SRGAP2B: variants seen among roughly 807,000 people sequenced by gnomAD.
The protein encoded by SRGAP2B is SLIT-ROBO Rho GTPase activating protein 2B, also known as SLIT-ROBO Rho GTPase-activating protein 2B.
Under a neutral mutation model 22.2 loss-of-function variants are expected in SRGAP2B, and 9 were observed. The ratio of observed to expected loss-of-function variants is 0.41; its 90% confidence interval spans 0.24 to 0.71. The LOEUF (loss-of-function observed/expected upper bound fraction) is 0.71, where lower values mean the gene tolerates loss of function less well. Among genes scored for constraint, SRGAP2B ranks in the 30% least tolerant of loss-of-function variants. The pLI, the probability that SRGAP2B is intolerant of heterozygous loss-of-function variation, is 0.35. For synonymous variants in SRGAP2B, 36 were observed against 87.4 expected, an observed-to-expected ratio of 0.41 and a Z score of 3.28; for missense variants, 114 against 235.8, an observed-to-expected ratio of 0.48 and a Z score of 3.38.
chr1:144,917,969 C>T (rs1166589157), intron 4 of SRGAP2B: 1 of 61,918 alleles, frequency 1.6e-5, no homozygotes, highest in East Asian at 3.8e-4. Flanking sequence ...AAGGGGGCCC[C>T]ACCCAAAGAC....
intron 2 of SRGAP2B, among the ~76,000 whole-genome samples, chr1:145,044,922 T>C (rs1297955917): frequency 1.3e-5 from 2 of 150,286 alleles, no homozygotes; most frequent in African/African-American, 2.5e-5. Context: ...ATTTACTAGG[T>C]GGTAGATCTG....
intron 4 of SRGAP2B, among the ~76,000 whole-genome samples, chr1:144,944,322 A>G (rs1300082449): frequency 6.6e-6 from 1 of 150,718 alleles, no homozygotes; most frequent in Non-Finnish European, 1.5e-5. Context: ...AGTAATTGCC[A>G]ACTATGTTTT....
At chr1:145,031,815 C>A (rs1648370591) in intron 2 of SRGAP2B, among the ~76,000 whole-genome samples, 1 of 140,310 alleles carries the variant, frequency 7.1e-6, no homozygotes, top group African/African-American at 2.9e-5. Context: ...CCACTGCACT[C>A]CAGCCTGGGC....
intron 5 of SRGAP2B, among the ~76,000 whole-genome samples, chr1:144,909,543 C>A (rs1394124535): frequency 6.9e-6 from 1 of 145,082 alleles, no homozygotes; most frequent in African/African-American, 2.7e-5. Context: ...GCCGAGATCA[C>A]GCCACTGCAC....
At chr1:144,940,366 C>G (rs1404099200) in intron 4 of SRGAP2B, among the ~76,000 whole-genome samples, 2 of 139,906 alleles carry the variant, frequency 1.4e-5, no homozygotes, top group Admixed American at 1.4e-4. Context: ...TCTCTCCTTA[C>G]CTTATATTAA....
intron 3 of SRGAP2B, among the ~76,000 whole-genome samples, chr1:144,990,673 G>T (rs1670112310): frequency 1.3e-5 from 2 of 149,738 alleles, no homozygotes. Context: ...GGGAACCGGG[G>T]CTGCGTGCGG....
chr1:144,944,173 A>G (rs1381002293), intron 4 of SRGAP2B, among the ~76,000 whole-genome samples: 1 of 150,618 alleles, frequency 6.6e-6, no homozygotes, highest in Non-Finnish European at 1.5e-5. Flanking sequence ...AAGTACATCT[A>G]GAGTTTCTAT....
At chr1:144,907,233 T>A (rs1359541647) in intron 5 of SRGAP2B, among the ~76,000 whole-genome samples, 3 of 150,482 alleles carry the variant, frequency 2.0e-5, no homozygotes, top group Non-Finnish European at 3.0e-5. Flanking sequence ...TAATAAACAT[T>A]GTGTACCATG....
At chr1:144,948,904 G>A (rs1407436758) in intron 4 of SRGAP2B, among the ~76,000 whole-genome samples, 5 of 118,896 alleles carry the variant, frequency 4.2e-5, no homozygotes, top group Non-Finnish European at 8.5e-5. Context: ...TTAGAATATG[G>A]ACCTCTTTTT....
intron 4 of SRGAP2B, among the ~76,000 whole-genome samples, chr1:144,944,236 A>G (rs1553607986): frequency 6.6e-6 from 1 of 150,620 alleles, no homozygotes; most frequent in Admixed American, 6.6e-5. Context: ...AGGCATGTAA[A>G]AAAAAGTCAA....
chr1:145,039,467 C>T (rs1249302227), intron 2 of SRGAP2B, among the ~76,000 whole-genome samples: 4 of 146,106 alleles, frequency 2.7e-5, no homozygotes, highest in Non-Finnish European at 6.0e-5. Flanking sequence ...AGGATGAGAC[C>T]CTGTCTCTTT....
chr1:145,068,769 A>G (rs2102434936), intron 2 of SRGAP2B, among the ~76,000 whole-genome samples: 1 of 143,090 alleles, frequency 7.0e-6, no homozygotes, highest in East Asian at 2.0e-4. Flanking sequence ...AAATAGTTCA[A>G]CAATTCAAGT....
intron 4 of SRGAP2B, 22 bp downstream of exon 4, chr1:144,955,417 C>T: frequency 1.2e-6 from 2 of 1,601,084 alleles, no homozygotes; most frequent in Non-Finnish European, 1.7e-6. Context: ...CCAAGAACCT[C>T]TGTGAAGAAA....
intron 5 of SRGAP2B, among the ~76,000 whole-genome samples, chr1:144,909,586 CAAA>C (rs1298848761): frequency 7.6e-6 from 1 of 131,066 alleles, no homozygotes. Context: ...GACTCCATCT[CAAA>C]AAAAAAAAAA....
chr1:144,945,825 C>A (rs1161598469), intron 4 of SRGAP2B, among the ~76,000 whole-genome samples: 1 of 88,400 alleles, frequency 1.1e-5, no homozygotes, highest in East Asian at 2.9e-4. Context: ...ATAATGGTTA[C>A]CCTTCAGAGA....
At chr1:144,948,370 CA>C (rs2101903496) in intron 4 of SRGAP2B, among the ~76,000 whole-genome samples, 1 of 144,496 alleles carries the variant, frequency 6.9e-6, no homozygotes, top group Non-Finnish European at 1.5e-5. Flanking sequence ...GGATACACTA[CA>C]ATATGTTTTT....
intron 5 of SRGAP2B, among the ~76,000 whole-genome samples, chr1:144,911,619 ATTT>A (rs1319087786): frequency 7.4e-6 from 1 of 135,642 alleles, no homozygotes. Flanking sequence ...CTGAACTGCT[ATTT>A]TTTTTTTTTT....
intron 2 of SRGAP2B, among the ~76,000 whole-genome samples, chr1:145,031,965 A>T (rs1648393581): frequency 6.7e-6 from 1 of 149,156 alleles, no homozygotes; most frequent in Non-Finnish European, 1.5e-5. Flanking sequence ...TCACTCTCGA[A>T]TTTCCTTGTT....
chr1:144,889,269 T>C (rs1405485680), exon 10 of SRGAP2B: 1 of 147,574 alleles, frequency 6.8e-6, no homozygotes, highest in South Asian at 2.2e-4. Context: ...TATTTTTTAA[T>C]TTTTCAAATG....
Sources: gnomAD v4.1 joint callset for allele counts (sites outside exome capture counted in the v4.1 genomes callset) on GRCh38, gnomAD v4.1.1 for gene constraint, MANE v1.5 for transcripts, NCBI Gene and HGNC (gene_info 2026-07-23, HGNC 2026-07-21) for gene names.